WDR49: variants seen among roughly 807,000 people sequenced by gnomAD.
WDR49 encodes the protein cilia- and flagella-associated protein 337.
Under a neutral mutation model 119.5 loss-of-function variants are expected in WDR49, and 107 were observed. The ratio of observed to expected loss-of-function variants is 0.90; its 90% confidence interval spans 0.77 to 1.05. The LOEUF is 1.05. Ranked by LOEUF, WDR49 falls within the 50% of genes least tolerant of loss-of-function variation. The pLI, the probability that WDR49 is intolerant of heterozygous loss-of-function variation, is 0.00. For missense variants in WDR49, 1,240 were observed against 1,220.5 expected (o/e 1.02, Z -0.24); for synonymous variants, 425 against 418.8 (o/e 1.01, Z -0.18).
intron 2 of WDR49, among the ~76,000 whole-genome samples, chr3:167,646,814 T>C (rs141288846): frequency 3.2e-4 from 48 of 152,132 alleles, no homozygotes; most frequent in African/African-American, 1.1e-3. Flanking sequence ...TCCACAGAGA[T>C]GTCGGTGCCT....
chr3:167,620,677 T>C, intron 4 of WDR49, 74 bp from the exon 5 acceptor site: 1 of 1,383,458 alleles, frequency 7.2e-7, no homozygotes, highest in Non-Finnish European at 9.5e-7. Context: ...GTTATTTTAG[T>C]TTAATAAGGA....
At position 167,652,408 on chromosome 3, in the gene WDR49, A is replaced by G. The variant is rs192027899; in HGVS notation, c.165+853T>C. Among the ~76,000 whole-genome samples the G allele has an allele frequency of 2.0e-5, 3 of 152,266 alleles. No homozygotes were observed. The East Asian group carries it at 5.8e-4, about 29-fold the overall frequency. On this transcript the variant is annotated intron_variant, in intron 2 of 18. Coordinates refer to ENST00000682715, the MANE Select transcript of WDR49 (RefSeq NM_001366157.1). ...TATTTTCTATTTCAAATTAGTATGGATACTCCAAGCACCCACGGACAATCT... is the reference window on the plus strand; with the variant it reads ...TATTTTCTATTTCAAATTAGTATGGGTACTCCAAGCACCCACGGACAATCT...
intron 18 of WDR49, among the ~76,000 whole-genome samples, chr3:167,487,194 G>GA (rs1458290660): frequency 6.6e-6 from 1 of 151,890 alleles, no homozygotes. Context: ...TACACCAATG[G>GA]AAAAGAATAA....
intron 16 of WDR49, among the ~76,000 whole-genome samples, chr3:167,510,255 T>C (rs891165903): frequency 9.9e-5 from 15 of 152,222 alleles, no homozygotes; most frequent in Non-Finnish European, 4.4e-5. Context: ...TGGTGGCATA[T>C]GCCTGTAATC....
chr3:167,614,209 C>G (rs1433899134), intron 5 of WDR49, among the ~76,000 whole-genome samples: 1 of 152,094 alleles, frequency 6.6e-6, no homozygotes, highest in Admixed American at 6.5e-5. Context: ...TCAAGCAATT[C>G]TCATGCCTCA....
chr3:167,583,551 A>C (rs1714660634), intron 7 of WDR49, among the ~76,000 whole-genome samples: 1 of 152,118 alleles, frequency 6.6e-6, no homozygotes, highest in South Asian at 2.1e-4. Flanking sequence ...CCAGAAAAAT[A>C]AAGCATAATT....
intron 5 of WDR49, among the ~76,000 whole-genome samples, chr3:167,608,794 G>A (rs558381431): frequency 2.6e-5 from 4 of 152,102 alleles, no homozygotes; most frequent in African/African-American, 7.2e-5. Flanking sequence ...GTAAGTTTTG[G>A]AATTGGTAGA....
At chr3:167,613,766 G>A (rs113939144) in intron 5 of WDR49, among the ~76,000 whole-genome samples, 39,151 of 151,616 alleles carry the variant, frequency 0.26, 5,261 homozygotes, top group African/African-American at 0.31. Context: ...CTAACATGGC[G>A]AAACCCCGTC....
At chr3:167,551,528 T>C (rs1455749353) in intron 10 of WDR49, among the ~76,000 whole-genome samples, 1 of 152,040 alleles carries the variant, frequency 6.6e-6, no homozygotes, top group East Asian at 1.9e-4. Context: ...CAATTAGTCC[T>C]ACCCAGGAGT....
At chr3:167,487,200 A>G (rs905207179) in intron 18 of WDR49, among the ~76,000 whole-genome samples, 3 of 152,126 alleles carry the variant, frequency 2.0e-5, no homozygotes, top group Non-Finnish European at 4.4e-5. Context: ...AATGGAAAAG[A>G]ATAAAAATCT....
chr3:167,653,420 A>G lies in WDR49; in HGVS notation c.6T>C (p.Ser2=). 6.6e-7 allele frequency: 1 copy of G among 1,517,916 alleles called. No homozygotes were observed. Among genetic ancestry groups the G allele is most frequent in the Non-Finnish European group, 8.8e-7 (1 of 1,139,602 alleles). 94.0% of individuals were successfully genotyped at this position (1,517,916 alleles called of 1,614,324 possible). Residue 2 remains serine (S), a synonymous_variant, in exon 2 of 19, where the codon AGT becomes AGC. Transcript: ENST00000682715. ...TTAACTCAAGTACAGCTTTCTGGCAACTCATAATGGCTTCACCTTTTCTCA... is the reference window on the plus strand; with the variant it reads ...TTAACTCAAGTACAGCTTTCTGGCAGCTCATAATGGCTTCACCTTTTCTCA... M[S]CQKAVLELNI...
intron 9 of WDR49, among the ~76,000 whole-genome samples, chr3:167,559,115 C>G (rs933615395): frequency 7.9e-5 from 12 of 152,156 alleles, no homozygotes; most frequent in Non-Finnish European, 2.9e-5. Flanking sequence ...CACAATAGCA[C>G]CTTCCTCACA....
intron 2 of WDR49, among the ~76,000 whole-genome samples, chr3:167,643,566 C>T (rs1717980268): frequency 6.6e-6 from 1 of 152,036 alleles, no homozygotes. Context: ...CGAAAGGGGA[C>T]ATTTTAATAT....
At chr3:167,509,392 G>C (rs761751844) in intron 16 of WDR49, among the ~76,000 whole-genome samples, 8 of 152,188 alleles carry the variant, frequency 5.3e-5, no homozygotes, top group Non-Finnish European at 1.0e-4. Flanking sequence ...TCTTAAAGAT[G>C]CCATAGGAGT....
At chr3:167,495,421 T>A (rs1751315939) in intron 18 of WDR49, among the ~76,000 whole-genome samples, 1 of 152,070 alleles carries the variant, frequency 6.6e-6, no homozygotes, top group African/African-American at 2.4e-5. Flanking sequence ...ACTGATTAGA[T>A]GGGCTTAAAA....
chr3:167,486,342 C>T (rs1750916149), intron 18 of WDR49, among the ~76,000 whole-genome samples: 1 of 152,060 alleles, frequency 6.6e-6, no homozygotes, highest in Non-Finnish European at 1.5e-5. Context: ...AGCAACTATA[C>T]AATCAAGTCT....
intron 18 of WDR49, among the ~76,000 whole-genome samples, chr3:167,489,765 G>A (rs1751060904): frequency 6.6e-6 from 1 of 152,170 alleles, no homozygotes; most frequent in South Asian, 2.1e-4. Context: ...GGCAACAAAG[G>A]ACTTGGCAGC....
At chr3:167,578,284 C>T (rs752197690) in intron 7 of WDR49, among the ~76,000 whole-genome samples, 24 of 152,078 alleles carry the variant, frequency 1.6e-4, no homozygotes, top group Admixed American at 2.6e-4. Flanking sequence ...TGGTAAGATG[C>T]GTCCATTGTA....
intron 15 of WDR49, among the ~76,000 whole-genome samples, chr3:167,525,549 T>A (rs766022108): frequency 6.6e-6 from 1 of 152,104 alleles, no homozygotes; most frequent in Non-Finnish European, 1.5e-5. Context: ...GGACATCAAA[T>A]CAATCAGATG....
Sources: gnomAD v4.1 joint callset for allele counts (sites outside exome capture counted in the v4.1 genomes callset) on GRCh38, gnomAD v4.1.1 for gene constraint, MANE v1.5 for transcripts, NCBI Gene and HGNC (gene_info 2026-07-23, HGNC 2026-07-21) for gene names.